The following NRG3 variants were observed in gnomAD, a reference collection of about 807,000 sequenced individuals.
NRG3 encodes pro-neuregulin-3, membrane-bound isoform.
In NRG3, 31 loss-of-function variants were observed where a neutral mutation model predicts 66.9. That is an observed-to-expected ratio of 0.46 (90% CI 0.35 to 0.63). The LOEUF (loss-of-function observed/expected upper bound fraction) is 0.63, where lower values mean the gene tolerates loss of function less well. Among genes scored for constraint, NRG3 ranks in the 20% least tolerant of loss-of-function variants. The probability of loss-of-function intolerance (pLI) is 0.00; values close to 1 mark genes in which losing one functional copy is unlikely to be tolerated. For synonymous variants in NRG3, 393 were observed against 359.4 expected (o/e 1.09, Z -1.06); for missense variants, 910 against 878.9 (o/e 1.04, Z -0.45).
At position 82,915,933 on chromosome 10, in the gene NRG3, A is replaced by G. The variant is rs1450353031; in HGVS notation, c.1055-35536A>G. Among the ~76,000 whole-genome samples, 4 of 152,218 alleles carry G rather than the reference A, an allele frequency of 2.6e-5. No homozygotes were observed. In the East Asian group the frequency reaches 7.7e-4, roughly 29 times the overall value. ...TCTGAAATAAAGACATTTATACTCA[A>G]TAAAATACTGTAATATTACAGATCT... On this transcript the variant is annotated intron_variant, in intron 4 of 8. Transcript: ENST00000372141.
At chr10:82,140,092 C>T (rs923689185) in intron 1 of NRG3, among the ~76,000 whole-genome samples, 5 of 152,128 alleles carry the variant, frequency 3.3e-5, no homozygotes, top group African/African-American at 1.2e-4. Context: ...CAGGCTAAGA[C>T]ATCAGCAGTA....
intron 4 of NRG3, among the ~76,000 whole-genome samples, chr10:82,918,688 A>G (rs2132042746): frequency 6.6e-6 from 1 of 152,074 alleles, no homozygotes; most frequent in East Asian, 1.9e-4. Flanking sequence ...CTCCCCTCCC[A>G]CTTTCTTGGC....
At chr10:82,538,450 T>C (rs930165726) in intron 2 of NRG3, among the ~76,000 whole-genome samples, 3 of 152,208 alleles carry the variant, frequency 2.0e-5, no homozygotes, top group African/African-American at 7.2e-5. Context: ...ACCAGAGTTC[T>C]GTCTGCTTTT....
intron 1 of NRG3, among the ~76,000 whole-genome samples, chr10:82,303,529 T>C (rs1401310220): frequency 6.6e-6 from 1 of 152,144 alleles, no homozygotes; most frequent in Non-Finnish European, 1.5e-5. Context: ...AATTACAAAA[T>C]TAGAAAAACA....
At chr10:82,038,865 G>T (rs906382274) in intron 1 of NRG3, among the ~76,000 whole-genome samples, 6 of 151,958 alleles carry the variant, frequency 3.9e-5, no homozygotes, top group Non-Finnish European at 8.8e-5. Flanking sequence ...GACTTCTTGA[G>T]CACTCCACTT....
chr10:82,666,424 G>C (rs926691659), intron 2 of NRG3, among the ~76,000 whole-genome samples: 1 of 152,044 alleles, frequency 6.6e-6, no homozygotes, highest in Admixed American at 6.5e-5. Flanking sequence ...TTATTTTCCA[G>C]GTATGCTTCT....
chr10:81,996,403 T>G (rs889951082), intron 1 of NRG3, among the ~76,000 whole-genome samples: 8 of 152,150 alleles, frequency 5.3e-5, no homozygotes, highest in African/African-American at 1.9e-4. Context: ...TTACCCCCAT[T>G]CCACCCTCTG....
chr10:82,170,143 C>A (rs977943048), intron 1 of NRG3, among the ~76,000 whole-genome samples: 1 of 152,040 alleles, frequency 6.6e-6, no homozygotes, highest in African/African-American at 2.4e-5. Context: ...CTATACTCAA[C>A]ACATTACCAG....
rs2081610401 is a variant in NRG3 at position 82,322,117 on chromosome 10, CA to C, written c.824-36621del. Among the ~76,000 whole-genome samples, 4 of 152,058 alleles carry C rather than the reference CA, an allele frequency of 2.6e-5. No homozygotes were observed. In the South Asian group the frequency reaches 8.3e-4, roughly 32 times the overall value. ...AGGAATGGGTTGAATAAGTTGAGTC[CA>C]CTCTTATTTTTATGATCTAATGCAT... On this transcript the variant is annotated intron_variant, in intron 1 of 8. Coordinates refer to ENST00000372141, the MANE Select transcript of NRG3 (RefSeq NM_001010848.4).
chr10:82,366,148 AT>A (rs1262624416), intron 2 of NRG3, among the ~76,000 whole-genome samples: 2 of 152,100 alleles, frequency 1.3e-5, no homozygotes, highest in African/African-American at 2.4e-5. Flanking sequence ...TCAATATTTA[AT>A]TTTTTTAAGA....
intron 4 of NRG3, among the ~76,000 whole-genome samples, chr10:82,926,245 T>C (rs993972829): frequency 6.6e-6 from 1 of 152,230 alleles, no homozygotes; most frequent in African/African-American, 2.4e-5. Flanking sequence ...TCAGGAATGA[T>C]TGAAAGTATA....
chr10:82,512,968 A>C (rs1257342071), intron 2 of NRG3, among the ~76,000 whole-genome samples: 1 of 151,832 alleles, frequency 6.6e-6, no homozygotes, highest in Non-Finnish European at 1.5e-5. Context: ...TTTTATTTTA[A>C]TTTCTGGGAT....
intron 1 of NRG3, among the ~76,000 whole-genome samples, chr10:82,016,162 A>G (rs111374092): frequency 2.1e-4 from 32 of 152,142 alleles, no homozygotes; most frequent in African/African-American, 7.7e-4. Context: ...GAGGAAGCTT[A>G]GGGACCAGTG....
intron 2 of NRG3, among the ~76,000 whole-genome samples, chr10:82,405,452 T>C (rs1484432041): frequency 7.9e-6 from 1 of 126,108 alleles, no homozygotes; most frequent in Non-Finnish European, 1.6e-5. Context: ...ATGATCTCAG[T>C]AGTTTGTTTT....
chr10:82,287,537 T>G (rs763274611), intron 1 of NRG3, among the ~76,000 whole-genome samples: 8 of 150,898 alleles, frequency 5.3e-5, no homozygotes, highest in Non-Finnish European at 1.2e-4. Flanking sequence ...GAAGAGGAGG[T>G]CTTTGGTAGG....
intron 2 of NRG3, among the ~76,000 whole-genome samples, chr10:82,534,161 T>C (rs1283337523): frequency 6.6e-6 from 1 of 151,992 alleles, no homozygotes; most frequent in Non-Finnish European, 1.5e-5. Context: ...TGGAAAACAA[T>C]ATTGTTAAGA....
At chr10:82,567,025 G>A (rs2045451433) in intron 2 of NRG3, among the ~76,000 whole-genome samples, 2 of 151,914 alleles carry the variant, frequency 1.3e-5, no homozygotes, top group South Asian at 4.1e-4. Context: ...GATACCTGAA[G>A]GATCCACGCT....
chr10:82,471,866 G>A (rs563184293), intron 2 of NRG3, among the ~76,000 whole-genome samples: 3 of 150,864 alleles, frequency 2.0e-5, no homozygotes, highest in South Asian at 4.2e-4. Context: ...TCCAGCCTGG[G>A]CTACAAGAGC....
chr10:82,653,742 G>A (rs1461117524), intron 2 of NRG3, among the ~76,000 whole-genome samples: 1 of 152,048 alleles, frequency 6.6e-6, no homozygotes, highest in Non-Finnish European at 1.5e-5. Context: ...GCAGAGGAAG[G>A]GCAATGGTTT....
Sources: allele counts gnomAD v4.1 joint callset (sites outside exome capture counted in the v4.1 genomes callset), GRCh38; gene constraint gnomAD v4.1.1; transcripts MANE v1.5; gene names NCBI Gene and HGNC (gene_info 2026-07-23, HGNC 2026-07-21).